Variants in WDPCP observed in about 807,000 individuals in gnomAD.
WDPCP encodes the protein WD repeat containing planar cell polarity effector.
WDPCP carries 71 observed loss-of-function variants against 93.1 expected under a neutral mutation model. That is an observed-to-expected ratio of 0.76 (90% CI 0.63 to 0.93). The LOEUF is 0.93. Among genes scored for constraint, WDPCP ranks in the 40% least tolerant of loss-of-function variants. The pLI is 0.00. For synonymous variants in WDPCP, 315 were observed against 315.0 expected (o/e 1.00, Z 0.00); for missense variants, 844 against 887.4 (o/e 0.95, Z 0.62).
At chr2:63,624,317 C>A (rs1345990779) in intron 3 of WDPCP, among the ~76,000 whole-genome samples, 2 of 152,032 alleles carry the variant, frequency 1.3e-5, no homozygotes, top group Non-Finnish European at 2.9e-5. Context: ...TAGCAGAAGA[C>A]AAGAAATAAC....
intron 3 of WDPCP, among the ~76,000 whole-genome samples, chr2:63,610,661 G>A (rs993876975): frequency 2.0e-5 from 3 of 152,038 alleles, no homozygotes; most frequent in Non-Finnish European, 2.9e-5. Flanking sequence ...ATGGCCTATA[G>A]CTCAGAAACA....
At chr2:63,250,783 ATCCTTCAAGTATT>A (rs1680645833) in intron 14 of WDPCP, among the ~76,000 whole-genome samples, 1 of 152,192 alleles carries the variant, frequency 6.6e-6, no homozygotes, top group African/African-American at 2.4e-5. Flanking sequence ...GTCTTAATAT[ATCCTTCAAGTATT>A]TAGCCATATA....
intron 2 of WDPCP, among the ~76,000 whole-genome samples, chr2:63,667,272 T>G (rs1710294938): frequency 2.0e-5 from 3 of 152,172 alleles, no homozygotes; most frequent in African/African-American, 7.2e-5. Flanking sequence ...ACACACCCAT[T>G]TATTCGCCAT....
chr2:63,430,550 A>G (rs1484629629), intron 9 of WDPCP, among the ~76,000 whole-genome samples: 1 of 152,186 alleles, frequency 6.6e-6, no homozygotes, highest in African/African-American at 2.4e-5. Flanking sequence ...ATTTTTTCTT[A>G]GACTACATAA....
intron 9 of WDPCP, among the ~76,000 whole-genome samples, chr2:63,431,272 A>G (rs548632528): frequency 2.0e-5 from 3 of 152,264 alleles, no homozygotes; most frequent in African/African-American, 7.2e-5. Context: ...ATTCTGATGT[A>G]ACTGGTCTGG....
At chr2:63,315,244 C>T (rs2103994242) in intron 12 of WDPCP, among the ~76,000 whole-genome samples, 1 of 152,254 alleles carries the variant, frequency 6.6e-6, no homozygotes, top group East Asian at 1.9e-4. Flanking sequence ...CTTACAGGGC[C>T]ATCACCCTTA....
At chr2:63,553,010 G>T (rs1477143214) in intron 1 of WDPCP, among the ~76,000 whole-genome samples, 4 of 152,178 alleles carry the variant, frequency 2.6e-5, no homozygotes, top group Non-Finnish European at 5.9e-5. Context: ...TAAGAATTAT[G>T]AAATGAAATT....
At chr2:63,394,751 G>C (rs1165169875) in intron 10 of WDPCP, among the ~76,000 whole-genome samples, 1 of 152,112 alleles carries the variant, frequency 6.6e-6, no homozygotes, top group Non-Finnish European at 1.5e-5. Context: ...GATGGATGCA[G>C]CTGGAGGCCA....
intron 1 of WDPCP, among the ~76,000 whole-genome samples, chr2:63,498,585 C>T (rs1701364319): frequency 6.6e-6 from 1 of 152,258 alleles, no homozygotes; most frequent in African/African-American, 2.4e-5. Flanking sequence ...CACTACTATA[C>T]TGTTGATAAT....
chr2:63,521,776 C>T (rs955778887), intron 1 of WDPCP, among the ~76,000 whole-genome samples: 11 of 152,192 alleles, frequency 7.2e-5, no homozygotes, highest in African/African-American at 2.4e-4. Flanking sequence ...ACCACCCAAT[C>T]GGGCATAAAA....
At chr2:63,377,188 C>T (rs1031338340) in intron 12 of WDPCP, among the ~76,000 whole-genome samples, 10 of 151,968 alleles carry the variant, frequency 6.6e-5, no homozygotes, top group South Asian at 2.1e-4. Flanking sequence ...AAGCAAGCCA[C>T]TTATCTATGC....
intron 14 of WDPCP, among the ~76,000 whole-genome samples, chr2:63,240,822 C>T (rs1439419842): frequency 2.6e-5 from 4 of 152,106 alleles, no homozygotes; most frequent in African/African-American, 9.7e-5. Context: ...AAAAGCATAA[C>T]ATTTAACATT....
intron 12 of WDPCP, among the ~76,000 whole-genome samples, chr2:63,328,721 C>G (rs554876799): frequency 2.0e-5 from 3 of 152,248 alleles, no homozygotes; most frequent in African/African-American, 7.2e-5. Flanking sequence ...TCCTCTTATT[C>G]TGTTTTCTAA....
intron 17 of WDPCP, among the ~76,000 whole-genome samples, chr2:63,149,393 G>A (rs1469537589): frequency 6.6e-6 from 1 of 152,134 alleles, no homozygotes; most frequent in East Asian, 1.9e-4. Context: ...TGGAGAAATG[G>A]AAACTCTTAT....
chr2:63,333,253 T>C (rs1211408610), intron 12 of WDPCP, among the ~76,000 whole-genome samples: 1 of 152,178 alleles, frequency 6.6e-6, no homozygotes, highest in African/African-American at 2.4e-5. Context: ...TGACTTACTT[T>C]CCAATCTGAC....
At chr2:63,530,455 A>C (rs1329323317) in intron 1 of WDPCP, among the ~76,000 whole-genome samples, 1 of 152,006 alleles carries the variant, frequency 6.6e-6, no homozygotes, top group Non-Finnish European at 1.5e-5. Context: ...GGTATGCTTT[A>C]TGTACGGTAT....
chr2:63,714,732 G>C (rs1218217259), intron 2 of WDPCP, among the ~76,000 whole-genome samples: 1 of 152,206 alleles, frequency 6.6e-6, no homozygotes, highest in Non-Finnish European at 1.5e-5. Flanking sequence ...GGGAGGCTGA[G>C]GCAGGAGAAT....
intron 2 of WDPCP, among the ~76,000 whole-genome samples, chr2:63,741,801 C>T (rs1669718629): frequency 6.6e-6 from 1 of 151,968 alleles, no homozygotes; most frequent in South Asian, 2.1e-4. Flanking sequence ...ATGACTGTTG[C>T]TAACTTTAGG....
At chr2:63,552,174 GAA>G (rs1399808676) in intron 1 of WDPCP, among the ~76,000 whole-genome samples, 1 of 149,054 alleles carries the variant, frequency 6.7e-6, no homozygotes, top group Non-Finnish European at 1.5e-5. Flanking sequence ...AAAAAGTTGT[GAA>G]AAGTTATTTC....
Sources: gnomAD v4.1 joint callset for allele counts (sites outside exome capture counted in the v4.1 genomes callset) on GRCh38, gnomAD v4.1.1 for gene constraint, MANE v1.5 for transcripts, NCBI Gene and HGNC (gene_info 2026-07-23, HGNC 2026-07-21) for gene names.